CRACDL: variants seen among roughly 807,000 people sequenced by gnomAD.
CRACDL encodes CRACD like.
A neutral mutation model predicts 70.6 loss-of-function variants in CRACDL; 26 were observed. The observed-to-expected ratio is 0.37, with a 90% CI of 0.27 to 0.51. The LOEUF is 0.51. Ranked by LOEUF, CRACDL falls within the 20% of genes least tolerant of loss-of-function variation. The pLI is 0.94. For missense variants in CRACDL, 1,283 were observed against 1,376.9 expected (o/e 0.93, Z 1.08); for synonymous variants, 618 against 615.2 (o/e 1.00, Z -0.07).
At chr2:98,834,953 T>C (rs2104507076) in intron 3 of CRACDL, among the ~76,000 whole-genome samples, 1 of 152,286 alleles carries the variant, frequency 6.6e-6, no homozygotes, top group South Asian at 2.1e-4. Flanking sequence ...AATATGAAAT[T>C]GCACTCTGTA....
chr2:98,909,388 G>T (rs1204171971), intron 1 of CRACDL, among the ~76,000 whole-genome samples: 2 of 152,184 alleles, frequency 1.3e-5, no homozygotes, highest in African/African-American at 4.8e-5. Flanking sequence ...ATAAGAAGGG[G>T]TGAGCAGGTT....
chr2:98,817,876 C>T (rs1054746074), intron 7 of CRACDL, among the ~76,000 whole-genome samples: 2 of 152,084 alleles, frequency 1.3e-5, no homozygotes, highest in Admixed American at 6.6e-5. Flanking sequence ...CTTGCACTAC[C>T]TTCCAAAACA....
chr2:98,848,236 T>C (rs1054314948), intron 1 of CRACDL, among the ~76,000 whole-genome samples: 2 of 152,206 alleles, frequency 1.3e-5, no homozygotes, highest in African/African-American at 4.8e-5. Context: ...AACAGCAGAA[T>C]GATAGTAGTT....
chr2:98,913,775 A>T (rs1424908765), intron 1 of CRACDL, among the ~76,000 whole-genome samples: 1 of 152,206 alleles, frequency 6.6e-6, no homozygotes, highest in East Asian at 1.9e-4. Flanking sequence ...TAGAATGAAG[A>T]TTCAGGCAAT....
intron 2 of CRACDL, among the ~76,000 whole-genome samples, chr2:98,842,270 T>A (rs1706061816): frequency 6.6e-6 from 1 of 152,030 alleles, no homozygotes; most frequent in Admixed American, 6.5e-5. Flanking sequence ...GCTGATGTAA[T>A]CTGTTGTTAT....
At chr2:98,899,071 G>A (rs900400534) in intron 1 of CRACDL, among the ~76,000 whole-genome samples, 2 of 152,138 alleles carry the variant, frequency 1.3e-5, no homozygotes, top group Non-Finnish European at 2.9e-5. Flanking sequence ...AAACCAAACA[G>A]GGACCTGAAT....
intron 1 of CRACDL, among the ~76,000 whole-genome samples, chr2:98,925,935 G>T (rs1165436566): frequency 1.3e-5 from 2 of 152,056 alleles, no homozygotes; most frequent in Non-Finnish European, 2.9e-5. Context: ...AATATGGGGT[G>T]GGCAGGAGGG....
Position 98,846,046 on chromosome 2 carries a change from T to C in CRACDL, c.70+685A>G, listed in dbSNP as rs563769651. 2.0e-5 allele frequency among the ~76,000 whole-genome samples: 3 copies of C among 152,284 alleles called. No individual in the cohort carries two copies. The East Asian group carries it at 5.8e-4, about 29-fold the overall frequency. The stretch of plus-strand genomic sequence containing the variant: ...ATTTTCAGTGTAAATAAGAGAGAGA[T>C]GGAGGCCTTGGTCACCAAAATAAAG... On this transcript the variant is annotated intron_variant, in intron 2 of 9. Coordinates refer to ENST00000397899, the MANE Select transcript of CRACDL (RefSeq NM_207362.3).
intron 1 of CRACDL, among the ~76,000 whole-genome samples, chr2:98,869,663 C>T (rs1369627255): frequency 6.6e-6 from 1 of 152,230 alleles, no homozygotes; most frequent in East Asian, 1.9e-4. Context: ...TCTCTCATTC[C>T]AGCACCAAAA....
chr2:98,906,098 T>C (rs568733317), intron 1 of CRACDL, among the ~76,000 whole-genome samples: 1 of 152,344 alleles, frequency 6.6e-6, no homozygotes, highest in Admixed American at 6.5e-5. Context: ...ATCTCTCATA[T>C]GTCACTAAGG....
intron 2 of CRACDL, among the ~76,000 whole-genome samples, chr2:98,841,132 C>A (rs1299774150): frequency 1.3e-5 from 2 of 152,190 alleles, no homozygotes; most frequent in South Asian, 2.1e-4. Flanking sequence ...CCAGTGTTCA[C>A]AAAGTATAGG....
chr2:98,824,247 A>T (rs968571825), intron 6 of CRACDL, among the ~76,000 whole-genome samples: 1 of 152,060 alleles, frequency 6.6e-6, no homozygotes, highest in African/African-American at 2.4e-5. Context: ...ACTGTGCCAG[A>T]CACTTGGTCT....
chr2:98,844,015 T>C (rs1706142672), intron 2 of CRACDL, among the ~76,000 whole-genome samples: 1 of 152,214 alleles, frequency 6.6e-6, no homozygotes, highest in Non-Finnish European at 1.5e-5. Flanking sequence ...CTTGGCTTTT[T>C]CCTAAATGAA....
intron 1 of CRACDL, among the ~76,000 whole-genome samples, chr2:98,877,642 G>A (rs953100731): frequency 2.0e-5 from 3 of 152,002 alleles, no homozygotes; most frequent in Admixed American, 6.5e-5. Context: ...CCAGCAACTC[G>A]GGAGGCTGAG....
Position 98,793,929 on chromosome 2 carries a change from AT to A in CRACDL, c.*602del, listed in dbSNP as rs1703695035. On this transcript the variant is annotated 3_prime_UTR_variant, in exon 10 of 10. Coordinates refer to ENST00000397899, the MANE Select transcript of CRACDL (RefSeq NM_207362.3). ...TGCCTAGTGGAAAAGTTTAAAAATT[AT>A]TTTTGGAAACAGTCTATGAATTGAT... The A allele has an allele frequency of 6.6e-6, 1 of 152,660 alleles. No individual in the cohort carries two copies. 9.5% of individuals were successfully genotyped at this position (152,660 alleles called of 1,614,324 possible).
intron 1 of CRACDL, among the ~76,000 whole-genome samples, chr2:98,888,616 G>A (rs1391064330): frequency 6.6e-6 from 1 of 152,120 alleles, no homozygotes; most frequent in South Asian, 2.1e-4. Context: ...AAAAAGACAT[G>A]AAATGTACAG....
At chr2:98,824,100 G>A (rs1352295922) in intron 6 of CRACDL, among the ~76,000 whole-genome samples, 1 of 152,176 alleles carries the variant, frequency 6.6e-6, no homozygotes, top group Non-Finnish European at 1.5e-5. Flanking sequence ...TTTCCTAAAA[G>A]ATGGCTCATA....
Position 98,822,333 on chromosome 2 carries a change from G to C in CRACDL, c.1940C>G (p.Pro647Arg), listed in dbSNP as rs537062302. The C allele has an allele frequency of 9.6e-6, 14 of 1,457,638 alleles. No individual in the cohort carries two copies. The highest frequency in any genetic ancestry group is 3.0e-5 in the African/African-American group (2 of 66,918). The allele number at this position is 1,457,638 out of a possible 1,614,324, so 90.3% of individuals were successfully genotyped here. A position where few individuals can be genotyped will look rare whatever the true frequency, so the allele number is the denominator to read the frequency against. ...PQDSGDRAAS[P>R]AGPRKSPQEA... is the part of the protein sequence containing the mutation. ...CTGAGGGCTCTTGCGCGGCCCGGCC[G>C]GGCTGGCCGCCCTGTCCCCCGAGTC... Residue 647 changes from proline (P) to arginine (R), a missense_variant, in exon 7 of 10, where the codon CCG (proline) becomes CGG (arginine). Around this residue, in one of 2 missense-constraint regions of CRACDL, gnomAD observed 921 missense variants for 881.9 expected, o/e 1.04. Coordinates refer to ENST00000397899, the MANE Select transcript of CRACDL (RefSeq NM_207362.3). This position sits in a 1 kb window ranked among gnomAD's most constrained non-coding sequence, Gnocchi z 4.9.
Position 98,933,052 on chromosome 2 carries a change from C to T in CRACDL, c.-11+2886G>A, listed in dbSNP as rs974282154. ...GAACAGTAGAAATGGAGGCCTAGTA[C>T]GGTTCCGCACAACCTGGGCGGGCTC... On this transcript the variant is annotated intron_variant, in intron 1 of 9. Transcript: ENST00000397899. Among the ~76,000 whole-genome samples the T allele has an allele frequency of 2.6e-5, 4 of 152,198 alleles. No homozygotes were observed. In the South Asian group the frequency reaches 6.2e-4, roughly 24 times the overall value.
Sources: gnomAD v4.1 joint callset for allele counts (sites outside exome capture counted in the v4.1 genomes callset) on GRCh38, gnomAD v4.1.1 for gene constraint, gnomAD v4.1.1 regional missense constraint, Gnocchi (gnomAD v3.1) non-coding constraint, MANE v1.5 for transcripts, NCBI Gene and HGNC (gene_info 2026-07-23, HGNC 2026-07-21) for gene names.